VPS53: variants seen among roughly 807,000 people sequenced by gnomAD.
VPS53 encodes VPS53 subunit of GARP complex.
Under a neutral mutation model 107.0 loss-of-function variants are expected in VPS53, and 70 were observed. The ratio of observed to expected loss-of-function variants is 0.65; its 90% confidence interval spans 0.54 to 0.80. The LOEUF is 0.80. VPS53 is among the 30% of genes least tolerant of loss of function. VPS53 has a pLI of 0.00. For synonymous variants in VPS53, 409 were observed against 393.3 expected (o/e 1.04, Z -0.47); for missense variants, 917 against 1,049.4 (o/e 0.87, Z 1.74).
chr17:571,523 T>TCTCCCTACGGTCTCCCTCTCCCC (rs1421999899), intron 13 of VPS53, among the ~76,000 whole-genome samples: 29,406 of 91,762 alleles, frequency 0.32, 3,362 homozygotes, highest in Non-Finnish European at 0.36. Context: ...TCCCTCTCCC[T>TCTCCCTACGGTCTCCCTCTCCCC]CTCCCTACGG....
At position 601,867 on chromosome 17, in the gene VPS53, G is replaced by A; in HGVS notation, c.1146C>T (p.Thr382=). The change falls in exon 12 of 22, where the codon ACC becomes ACT. Residue 382 remains threonine (T), a synonymous_variant. Coordinates refer to ENST00000437048, the MANE Select transcript of VPS53 (RefSeq NM_001128159.3). ...LKKLESPPPS[T]NPFLEDEPTP... The stretch of plus-strand genomic sequence containing the variant: ...TTGGCTCATCTTCCAGGAAGGGATT[G>A]GTAGATGGGGGTGGAGACTCAAGCT... The A allele has an allele frequency of 6.3e-7, 1 of 1,596,154 alleles. No individual in the cohort carries two copies. The highest frequency in any genetic ancestry group is 8.5e-7 in the Non-Finnish European group (1 of 1,170,544).
At chr17:656,718 G>GTGTGTGTGTGTGTGTGTGTA (rs1971203890) in intron 5 of VPS53, 1 of 685,524 alleles carries the variant, frequency 1.5e-6, no homozygotes, top group African/African-American at 1.8e-5. Context: ...GTGTGTGTGT[G>GTGTGTGTGTGTGTGTGTGTA]TGTGTGTGTG....
At position 519,736 on chromosome 17, in the gene VPS53, C is replaced by A; in HGVS notation, c.2328+90G>T. ...GCCAGGCACATGCATTTTGAGAAAG[C>A]CCCCCCGGAACTTATATCCCAATTC... is the stretch of plus-strand genomic sequence containing the variant. On this transcript the variant is annotated intron_variant, in intron 21 of 21. Coordinates refer to ENST00000437048, the MANE Select transcript of VPS53 (RefSeq NM_001128159.3). The surrounding 1 kb of genome is among the most constrained non-coding windows in gnomAD (Gnocchi z 5.0). 1 of 968,268 alleles carries A rather than the reference C, an allele frequency of 1.0e-6. No individual in the cohort carries two copies. Among genetic ancestry groups the A allele is most frequent in the Non-Finnish European group, 1.6e-6 (1 of 632,852 alleles). 60.0% of individuals were successfully genotyped at this position (968,268 alleles called of 1,614,324 possible). A position where few individuals can be genotyped will look rare whatever the true frequency, so the allele number is the denominator to read the frequency against.
At chr17:663,893 C>A (rs1358454602) in intron 4 of VPS53, among the ~76,000 whole-genome samples, 1 of 152,058 alleles carries the variant, frequency 6.6e-6, no homozygotes, top group African/African-American at 2.4e-5. Flanking sequence ...GGGAGGAGAT[C>A]CTGGAAAAAC....
At chr17:635,013 C>G (rs911002880) in intron 7 of VPS53, among the ~76,000 whole-genome samples, 14 of 152,218 alleles carry the variant, frequency 9.2e-5, no homozygotes, top group African/African-American at 3.4e-4. Context: ...TTACCACCAA[C>G]AGTGTAAAAT....
rs181811274 is a variant in VPS53 at position 558,692 on chromosome 17, G to A, written c.1704+1734C>T. On this transcript the variant is annotated intron_variant, in intron 15 of 21. Coordinates refer to ENST00000437048, the MANE Select transcript of VPS53 (RefSeq NM_001128159.3). ...ACGATCAGGGATGCTTGCTAAATAA[G>A]TTATGGTACAAGGCCGGGCACAGGG... Among the ~76,000 whole-genome samples the A allele has an allele frequency of 2.2e-3, 331 of 151,044 alleles. 4 individuals are homozygous for A. Among genetic ancestry groups the A allele is most frequent in the Non-Finnish European group, 1.8e-3 (120 of 67,700 alleles).
intron 7 of VPS53, among the ~76,000 whole-genome samples, chr17:633,559 T>C (rs1283286263): frequency 6.6e-6 from 1 of 152,020 alleles, no homozygotes; most frequent in East Asian, 1.9e-4. Context: ...AAACAATCTG[T>C]TTTTTCCGTG....
chr17:535,884 A>G (rs11652657), intron 18 of VPS53, among the ~76,000 whole-genome samples: 66,568 of 151,888 alleles, frequency 0.44, 14,922 homozygotes, highest in South Asian at 0.59. Flanking sequence ...TGTGAGGTAC[A>G]GGGAAACTGG....
At chr17:564,266 C>T (rs1913283754) in intron 13 of VPS53, among the ~76,000 whole-genome samples, 1 of 148,912 alleles carries the variant, frequency 6.7e-6, no homozygotes, top group African/African-American at 2.5e-5. Flanking sequence ...GTGGGCCAGG[C>T]ACAGTGGCTC....
chr17:604,283 A>C (rs1249763771), intron 11 of VPS53, among the ~76,000 whole-genome samples: 1 of 152,192 alleles, frequency 6.6e-6, no homozygotes, highest in Non-Finnish European at 1.5e-5. Flanking sequence ...GGTAGGAAGA[A>C]GTCAAACCTA....
chr17:622,885 T>TCA (rs976375294), intron 11 of VPS53, among the ~76,000 whole-genome samples: 5 of 151,872 alleles, frequency 3.3e-5, no homozygotes, highest in African/African-American at 1.2e-4. Flanking sequence ...GGATGAGGTC[T>TCA]CACTATGTTG....
intron 7 of VPS53, among the ~76,000 whole-genome samples, chr17:633,265 G>A (rs985460397): frequency 7.2e-5 from 11 of 152,184 alleles, no homozygotes; most frequent in African/African-American, 2.7e-4. Context: ...CGAGCTGCCT[G>A]ATGTTGGTGG....
At position 517,209 on chromosome 17, in the gene VPS53, C is replaced by T. The variant is rs1325206457; in HGVS notation, c.*1919G>A. 1 of 373,314 alleles carries T rather than the reference C, an allele frequency of 2.7e-6. No individual in the cohort carries two copies. Among genetic ancestry groups the T allele is most frequent in the African/African-American group, 2.1e-5 (1 of 48,056 alleles). The allele number at this position is 373,314 out of a possible 1,614,324, so 23.1% of individuals were successfully genotyped here. On this transcript the variant is annotated 3_prime_UTR_variant, in exon 22 of 22. Transcript: ENST00000437048. The stretch of plus-strand genomic sequence containing the variant: ...TTATTTGGAATCTTTTCCTAATAGA[C>T]CTCAACTGAAGGCCGCATCTCCTTC...
At chr17:565,125 A>C (rs1355520674) in intron 13 of VPS53, among the ~76,000 whole-genome samples, 2 of 152,116 alleles carry the variant, frequency 1.3e-5, no homozygotes, top group Non-Finnish European at 2.9e-5. Flanking sequence ...TTATAGGCCC[A>C]ACGTGGGGGC....
intron 7 of VPS53, among the ~76,000 whole-genome samples, chr17:637,738 T>G (rs1970254073): frequency 6.6e-6 from 1 of 152,262 alleles, no homozygotes; most frequent in South Asian, 2.1e-4. Context: ...TGAGTTAGTT[T>G]CTTAACCCTG....
chr17:615,624 T>G (rs75815952), intron 11 of VPS53, among the ~76,000 whole-genome samples: 4,559 of 152,308 alleles, frequency 0.03, 98 homozygotes, highest in Non-Finnish European at 0.047. Context: ...AGGAATTCAG[T>G]AACTTTCTAT....
chr17:591,548 G>C (rs1052257933), intron 12 of VPS53, among the ~76,000 whole-genome samples: 2 of 152,042 alleles, frequency 1.3e-5, no homozygotes, highest in Non-Finnish European at 2.9e-5. Context: ...ACACTGCTTT[G>C]AATGTGTCCC....
At chr17:607,792 A>C (rs1410600636) in intron 11 of VPS53, among the ~76,000 whole-genome samples, 2 of 152,178 alleles carry the variant, frequency 1.3e-5, no homozygotes, top group Non-Finnish European at 2.9e-5. Flanking sequence ...GTTAATCCCT[A>C]CTGATTAAAT....
intron 4 of VPS53, among the ~76,000 whole-genome samples, chr17:678,841 G>A (rs992734088): frequency 4.0e-5 from 6 of 151,822 alleles, no homozygotes; most frequent in African/African-American, 7.3e-5. Flanking sequence ...GGGTTTCACC[G>A]TGTTAGCCAG....
Sources: allele counts gnomAD v4.1 joint callset (sites outside exome capture counted in the v4.1 genomes callset), GRCh38; gene constraint gnomAD v4.1.1; non-coding constraint Gnocchi (gnomAD v3.1); transcripts MANE v1.5; gene names NCBI Gene and HGNC (gene_info 2026-07-23, HGNC 2026-07-21).